SEMA3E: variants seen among roughly 807,000 people sequenced by gnomAD.
SEMA3E encodes semaphorin 3E, also known as semaphorin-3E.
Under a neutral mutation model 93.6 loss-of-function variants are expected in SEMA3E, and 49 were observed. The observed-to-expected ratio is 0.52, with a 90% CI of 0.42 to 0.66. SEMA3E has a LOEUF of 0.66. SEMA3E is among the 30% of genes least tolerant of loss of function. The probability of loss-of-function intolerance (pLI) is 0.00; values close to 1 mark genes in which losing one functional copy is unlikely to be tolerated. For missense variants in SEMA3E, 906 were observed against 964.8 expected (o/e 0.94, Z 0.81); for synonymous variants, 363 against 330.7 (o/e 1.10, Z -1.06).
chr7:83,377,657 T>C (rs1260699022), intron 16 of SEMA3E, among the ~76,000 whole-genome samples: 1 of 151,984 alleles, frequency 6.6e-6, no homozygotes, highest in Non-Finnish European at 1.5e-5. Flanking sequence ...GACAGAACAT[T>C]TAAAATGTGT....
intron 1 of SEMA3E, among the ~76,000 whole-genome samples, chr7:83,588,885 A>G (rs1157523293): frequency 1.3e-5 from 2 of 152,128 alleles, no homozygotes; most frequent in African/African-American, 4.8e-5. Flanking sequence ...GGGATCTTTC[A>G]GCTATAGCAT....
chr7:83,437,365 T>C (rs1789025708), intron 4 of SEMA3E, among the ~76,000 whole-genome samples: 1 of 152,098 alleles, frequency 6.6e-6, no homozygotes, highest in Admixed American at 6.6e-5. Flanking sequence ...TAAAAGTTTG[T>C]ATAAAACCTT....
intron 6 of SEMA3E, 38 bp from the exon 7 acceptor site, chr7:83,407,277 T>C (rs367843768): frequency 6.5e-7 from 1 of 1,548,556 alleles, no homozygotes; most frequent in African/African-American, 1.4e-5. Context: ...GTGAAATAGA[T>C]ATTACAACTA....
At chr7:83,392,101 T>C (rs1034586575) in intron 14 of SEMA3E, among the ~76,000 whole-genome samples, 1 of 152,166 alleles carries the variant, frequency 6.6e-6, no homozygotes, top group African/African-American at 2.4e-5. Context: ...TGGAGGTCTT[T>C]AAGTACCTTT....
intron 4 of SEMA3E, chr7:83,461,926 G>C (rs560077385): frequency 5.9e-5 from 9 of 152,334 alleles, no homozygotes; most frequent in African/African-American, 2.2e-4. Flanking sequence ...CCTCCCCCAG[G>C]AGCTTGCTAC....
chr7:83,426,906 C>T (rs1788782360), intron 4 of SEMA3E, among the ~76,000 whole-genome samples: 1 of 152,026 alleles, frequency 6.6e-6, no homozygotes, highest in African/African-American at 2.4e-5. Flanking sequence ...TTTCTTCAGA[C>T]ACCCAATAAA....
In SEMA3E at chr7:83,541,219, T is replaced by C. The variant is rs191354484; in HGVS notation, c.116-50945A>G. Among the ~76,000 whole-genome samples, 7 of 152,308 alleles carry C rather than the reference T, an allele frequency of 4.6e-5. No individual in the cohort carries two copies. In the East Asian group the frequency reaches 1.4e-3, roughly 29 times the overall value. ...GTACTGACTTCCTTGCTAGAGGGACTGGGTAGGTAGGACTCAACTATTCGA... is the reference window on the plus strand; with the variant it reads ...GTACTGACTTCCTTGCTAGAGGGACCGGGTAGGTAGGACTCAACTATTCGA... On this transcript the variant is annotated intron_variant, in intron 1 of 16. Transcript: ENST00000643230.
chr7:83,506,579 C>A, intron 1 of SEMA3E, among the ~76,000 whole-genome samples: 1 of 151,054 alleles, frequency 6.6e-6, no homozygotes, highest in African/African-American at 2.4e-5. Context: ...ACATAAGGGG[C>A]AAGAAATATA....
At chr7:83,410,023 C>A (rs1788408287) in intron 5 of SEMA3E, among the ~76,000 whole-genome samples, 1 of 151,408 alleles carries the variant, frequency 6.6e-6, no homozygotes, top group Non-Finnish European at 1.5e-5. Context: ...ATAAATTAAA[C>A]TCAAAGATTA....
intron 1 of SEMA3E, among the ~76,000 whole-genome samples, chr7:83,602,757 T>C (rs1423045939): frequency 6.6e-6 from 1 of 152,172 alleles, no homozygotes; most frequent in African/African-American, 2.4e-5. Flanking sequence ...ATTACAGGTG[T>C]GAGCCCCCGC....
chr7:83,599,099 G>A (rs1381544198), intron 1 of SEMA3E, among the ~76,000 whole-genome samples: 4 of 152,030 alleles, frequency 2.6e-5, no homozygotes, highest in Admixed American at 2.6e-4. Flanking sequence ...CATTTTTAAG[G>A]TAAAAAATAA....
chr7:83,449,613 C>T (rs1247915539), intron 4 of SEMA3E, among the ~76,000 whole-genome samples: 6 of 152,114 alleles, frequency 3.9e-5, no homozygotes, highest in Admixed American at 2.6e-4. Flanking sequence ...AATCTCTACT[C>T]CCTCACACAC....
intron 4 of SEMA3E, among the ~76,000 whole-genome samples, chr7:83,460,778 G>A (rs1056456739): frequency 1.3e-4 from 19 of 143,670 alleles, no homozygotes; most frequent in African/African-American, 2.3e-4. Context: ...TTATTTCTGC[G>A]CCCCATCCCT....
intron 10 of SEMA3E, among the ~76,000 whole-genome samples, chr7:83,400,487 C>A (rs1788217109): frequency 6.6e-6 from 1 of 151,608 alleles, no homozygotes; most frequent in Non-Finnish European, 1.5e-5. Flanking sequence ...ATTTTGTCAC[C>A]CAGGCACTAA....
At chr7:83,427,900 C>A (rs1788804253) in intron 4 of SEMA3E, among the ~76,000 whole-genome samples, 1 of 152,184 alleles carries the variant, frequency 6.6e-6, no homozygotes, top group South Asian at 2.1e-4. Flanking sequence ...TCTGTTTTAA[C>A]AGCTGGAATT....
At chr7:83,626,495 G>C (rs1793673192) in intron 1 of SEMA3E, among the ~76,000 whole-genome samples, 1 of 152,124 alleles carries the variant, frequency 6.6e-6, no homozygotes, top group Non-Finnish European at 1.5e-5. Flanking sequence ...CATTTGCATA[G>C]AGGTGTTTAT....
chr7:83,623,131 T>A (rs1240507610), intron 1 of SEMA3E, among the ~76,000 whole-genome samples: 1 of 152,164 alleles, frequency 6.6e-6, no homozygotes, highest in African/African-American at 2.4e-5. Context: ...TATCTTCTCA[T>A]TTGCCAGGCA....
chr7:83,569,800 G>A (rs1483210342), intron 1 of SEMA3E, among the ~76,000 whole-genome samples: 3 of 152,124 alleles, frequency 2.0e-5, no homozygotes, highest in African/African-American at 7.2e-5. Context: ...CAGTGACAGC[G>A]TTAAACAGAT....
At chr7:83,529,684 C>T (rs926081986) in intron 1 of SEMA3E, among the ~76,000 whole-genome samples, 5 of 152,246 alleles carry the variant, frequency 3.3e-5, no homozygotes, top group Admixed American at 2.6e-4. Flanking sequence ...GATAGAGACC[C>T]TAACCAAGTG....
Sources: allele counts gnomAD v4.1 joint callset (sites outside exome capture counted in the v4.1 genomes callset), GRCh38; gene constraint gnomAD v4.1.1; transcripts MANE v1.5; gene names NCBI Gene and HGNC (gene_info 2026-07-23, HGNC 2026-07-21).